The following FSTL4 variants were observed in gnomAD, a reference collection of about 807,000 sequenced individuals.
FSTL4 encodes the protein follistatin like 4.
Under a neutral mutation model 78.2 loss-of-function variants are expected in FSTL4, and 28 were observed. The ratio of observed to expected loss-of-function variants is 0.36; its 90% CI spans 0.27 to 0.49. The LOEUF (loss-of-function observed/expected upper bound fraction) is 0.49. Ranked by LOEUF, FSTL4 falls within the 20% of genes least tolerant of loss-of-function variation. The pLI is 0.98. For missense variants in FSTL4, 922 were observed against 1,084.9 expected (o/e 0.85, Z 2.11); for synonymous variants, 422 against 440.5 (o/e 0.96, Z 0.53).
chr5:133,413,504 C>G (rs987054906), intron 3 of FSTL4, among the ~76,000 whole-genome samples: 2 of 152,236 alleles, frequency 1.3e-5, no homozygotes, highest in East Asian at 3.9e-4. Context: ...CTCTGTGATG[C>G]AAACACACAT....
chr5:133,227,700 A>G (rs1273596604), intron 8 of FSTL4, among the ~76,000 whole-genome samples: 1 of 152,208 alleles, frequency 6.6e-6, no homozygotes, highest in African/African-American at 2.4e-5. Context: ...AAGAAAGAAG[A>G]AGAATCAATG....
intron 4 of FSTL4, among the ~76,000 whole-genome samples, chr5:133,358,461 C>T (rs1005215764): frequency 6.6e-6 from 1 of 152,134 alleles, no homozygotes; most frequent in Non-Finnish European, 1.5e-5. Context: ...AAAGGCAGCC[C>T]CCAGCAGGGA....
At chr5:133,661,757 A>G in the FSTL4 span, among the ~76,000 whole-genome samples, 3 of 152,234 alleles carry the variant, frequency 2.0e-5, no homozygotes, top group African/African-American at 7.2e-5. Flanking sequence ...ACAATAAACA[A>G]AGCTCTTGTT....
At chr5:133,563,274 A>G (rs1759959281) in intron 3 of FSTL4, among the ~76,000 whole-genome samples, 1 of 152,208 alleles carries the variant, frequency 6.6e-6, no homozygotes, top group Non-Finnish European at 1.5e-5. Context: ...TTGGAAACAA[A>G]GCACCCCCAG....
intron 14 of FSTL4, among the ~76,000 whole-genome samples, chr5:133,203,978 A>C (rs942935205): frequency 5.1e-5 from 7 of 137,272 alleles, no homozygotes; most frequent in African/African-American, 8.2e-5. Context: ...CTAAAGATAG[A>C]TAACTGTCAA....
chr5:133,486,451 A>G (rs576973507), intron 3 of FSTL4, among the ~76,000 whole-genome samples: 65 of 152,234 alleles, frequency 4.3e-4, no homozygotes, highest in Admixed American at 8.5e-4. Flanking sequence ...AGAAAGGGAC[A>G]TAATTGCAGC....
chr5:133,465,520 G>T (rs761276472), intron 3 of FSTL4, among the ~76,000 whole-genome samples: 4 of 152,244 alleles, frequency 2.6e-5, no homozygotes, highest in Non-Finnish European at 5.9e-5. Context: ...GGTGGGAGCG[G>T]TGGTTGTTCA....
At chr5:133,748,986 A>G in the FSTL4 span, among the ~76,000 whole-genome samples, 1 of 152,174 alleles carries the variant, frequency 6.6e-6, no homozygotes, top group African/African-American at 2.4e-5. Flanking sequence ...AACTATGAAC[A>G]TATACCCACC....
At chr5:133,357,754 C>G (rs1030475665) in intron 4 of FSTL4, among the ~76,000 whole-genome samples, 2 of 152,114 alleles carry the variant, frequency 1.3e-5, no homozygotes, top group Admixed American at 6.5e-5. Context: ...TAGCACCCCC[C>G]ACACCCCCTA....
chr5:133,321,364 T>A (rs1488697716), intron 4 of FSTL4, among the ~76,000 whole-genome samples: 3 of 152,370 alleles, frequency 2.0e-5, no homozygotes, highest in Non-Finnish European at 4.4e-5. Flanking sequence ...GTGTTGGGCC[T>A]GGCTCCCAGG....
the FSTL4 span, among the ~76,000 whole-genome samples, chr5:133,681,745 G>A: frequency 4.6e-4 from 70 of 152,314 alleles, no homozygotes; most frequent in South Asian, 3.5e-3. Flanking sequence ...TCTGTGTGAT[G>A]GGAAAGTAGA....
chr5:133,503,259 T>C (rs1293376425), intron 3 of FSTL4, among the ~76,000 whole-genome samples: 1 of 152,192 alleles, frequency 6.6e-6, no homozygotes, highest in Non-Finnish European at 1.5e-5. Context: ...AACGGAGATA[T>C]GATGGTAAAT....
At chr5:133,687,098 G>A in the FSTL4 span, among the ~76,000 whole-genome samples, 1 of 152,210 alleles carries the variant, frequency 6.6e-6, no homozygotes, top group African/African-American at 2.4e-5. Context: ...AGTGGGACGA[G>A]CCTGTGGCCC....
the FSTL4 span, among the ~76,000 whole-genome samples, chr5:133,803,210 C>A: frequency 2.0e-5 from 3 of 152,296 alleles, no homozygotes; most frequent in South Asian, 6.2e-4. Flanking sequence ...AGGGGTTTGC[C>A]TGTTGTGTAC....
At chr5:133,217,169 G>C (rs978330944) in intron 13 of FSTL4, 60 bp downstream of exon 13, 2 of 1,437,788 alleles carry the variant, frequency 1.4e-6, no homozygotes, top group Non-Finnish European at 1.9e-6. Flanking sequence ...AAGCAAAGAA[G>C]AATGTGGCAG....
chr5:133,784,691 T>C, the FSTL4 span, among the ~76,000 whole-genome samples: 1 of 151,662 alleles, frequency 6.6e-6, no homozygotes, highest in Admixed American at 6.6e-5. Context: ...TGCCTAGCAG[T>C]AGGGCAGAAT....
At chr5:133,409,671 C>T (rs981262142) in intron 3 of FSTL4, among the ~76,000 whole-genome samples, 2 of 152,238 alleles carry the variant, frequency 1.3e-5, no homozygotes, top group African/African-American at 4.8e-5. Context: ...CCAGGCTCCA[C>T]TTCATTCAGA....
chr5:133,748,605 T>C, the FSTL4 span, among the ~76,000 whole-genome samples: 1 of 152,054 alleles, frequency 6.6e-6, no homozygotes, highest in Non-Finnish European at 1.5e-5. Context: ...AAAAGAGAGT[T>C]CCTTAATTGC....
chr5:133,304,908 A>C (rs1265694126), intron 6 of FSTL4, among the ~76,000 whole-genome samples: 2 of 152,206 alleles, frequency 1.3e-5, no homozygotes, highest in Non-Finnish European at 2.9e-5. Context: ...TTCCTCATGC[A>C]GATGAGTCAC....
Sources: allele counts gnomAD v4.1 joint callset (sites outside exome capture counted in the v4.1 genomes callset), GRCh38; gene constraint gnomAD v4.1.1; transcripts MANE v1.5; gene names NCBI Gene and HGNC (gene_info 2026-07-23, HGNC 2026-07-21).